Variants in XKR4 observed in about 807,000 individuals in gnomAD.
XKR4 encodes the protein XK-related protein 4.
A neutral mutation model predicts 53.9 loss-of-function variants in XKR4; 12 were observed. The observed-to-expected ratio is 0.22, with a 90% confidence interval of 0.14 to 0.36. The LOEUF (loss-of-function observed/expected upper bound fraction) is 0.36, where lower values mean the gene tolerates loss of function less well. Among genes scored for constraint, XKR4 ranks in the 10% least tolerant of loss-of-function variants. The probability of loss-of-function intolerance (pLI) is 1.00; values close to 1 mark genes in which losing one functional copy is unlikely to be tolerated. For missense variants in XKR4, 799 were observed against 859.5 expected, an observed-to-expected ratio of 0.93 and a Z score of 0.88; for synonymous variants, 354 against 362.4, an observed-to-expected ratio of 0.98 and a Z score of 0.26.
Position 55,528,310 on chromosome 8 carries a change from T to A in XKR4, c.*4083T>A, listed in dbSNP as rs539336087. The A allele has an allele frequency of 6.6e-6, 1 of 152,358 alleles. No homozygotes were observed. The highest frequency in any genetic ancestry group is 2.1e-4 in the South Asian group (1 of 4,830). The allele number at this position is 152,358 out of a possible 1,614,324, so 9.4% of individuals were successfully genotyped here. A position where few individuals can be genotyped will look rare whatever the true frequency, so the allele number is the denominator to read the frequency against. ...AACAGCTGAATAAAATAGTTCTGTG[T>A]CACTTCAAAGTTTCTTTCTCTGAAC... On this transcript the variant is annotated 3_prime_UTR_variant, in exon 3 of 3. Coordinates refer to ENST00000327381, the MANE Select transcript of XKR4 (RefSeq NM_052898.2).
chr8:55,368,958 A>G (rs1192101434), intron 2 of XKR4, among the ~76,000 whole-genome samples: 2 of 152,204 alleles, frequency 1.3e-5, no homozygotes, highest in African/African-American at 2.4e-5. Flanking sequence ...CATATTTGGA[A>G]TTTTTAAAAT....
intron 2 of XKR4, among the ~76,000 whole-genome samples, chr8:55,399,734 GA>G (rs1804571816): frequency 6.6e-6 from 1 of 152,206 alleles, no homozygotes; most frequent in East Asian, 1.9e-4. Context: ...GGAACAGACC[GA>G]AGGCTTTGTC....
At chr8:55,345,365 A>T (rs1803621007) in intron 1 of XKR4, among the ~76,000 whole-genome samples, 1 of 152,198 alleles carries the variant, frequency 6.6e-6, no homozygotes, top group Admixed American at 6.5e-5. Context: ...GAAATACAAG[A>T]TGCTGAATAA....
chr8:55,302,152 C>T (rs1427467737), intron 1 of XKR4, among the ~76,000 whole-genome samples: 1 of 152,002 alleles, frequency 6.6e-6, no homozygotes, highest in Non-Finnish European at 1.5e-5. Context: ...GTCTTTAATC[C>T]ATCTTGAATT....
intron 2 of XKR4, among the ~76,000 whole-genome samples, chr8:55,396,399 GTT>G (rs71256534): frequency 9.4e-4 from 83 of 88,738 alleles, no homozygotes; most frequent in East Asian, 1.4e-3. Flanking sequence ...TTTTTGTTTG[GTT>G]TTTTTTTTTT....
intron 2 of XKR4, chr8:55,449,862 G>A (rs1485906787): frequency 2.1e-6 from 2 of 975,598 alleles, no homozygotes; most frequent in Admixed American, 1.7e-5. Flanking sequence ...GTCTGGAACT[G>A]GCTGTAAGGG....
chr8:55,464,696 G>A (rs1805728111), intron 2 of XKR4, among the ~76,000 whole-genome samples: 1 of 152,104 alleles, frequency 6.6e-6, no homozygotes, highest in Non-Finnish European at 1.5e-5. Context: ...AAGTCAAATT[G>A]TCCCTGTTTG....
At chr8:55,156,032 T>C (rs1816902156) in intron 1 of XKR4, among the ~76,000 whole-genome samples, 1 of 152,054 alleles carries the variant, frequency 6.6e-6, no homozygotes, top group African/African-American at 2.4e-5. Context: ...TTCTGCCAAA[T>C]TAAGAATTTA....
chr8:55,357,641 AC>A (rs1224179293), intron 1 of XKR4, 36 bp from the exon 2 acceptor site: 1 of 1,604,998 alleles, frequency 6.2e-7, no homozygotes, highest in Non-Finnish European at 8.5e-7. Flanking sequence ...AACTATCATC[AC>A]TCATCTCTTT....
At chr8:55,299,200 G>C (rs1156298645) in intron 1 of XKR4, among the ~76,000 whole-genome samples, 1 of 152,190 alleles carries the variant, frequency 6.6e-6, no homozygotes, top group Non-Finnish European at 1.5e-5. Context: ...TCTCAAGATG[G>C]ATTTGTCTGG....
Position 55,102,819 on chromosome 8 carries a change from G to C in XKR4, c.331G>C (p.Asp111His). The C allele has an allele frequency of 6.2e-7, 1 of 1,608,870 alleles. No individual in the cohort carries two copies. The change falls in exon 1 of 3, where the codon GAC becomes CAC. Residue 111 changes from aspartate to histidine, a missense_variant. Asp to His is a moderately conservative substitution (Grantham distance 81). Around this residue, in one of 3 missense-constraint regions of XKR4, gnomAD observed 476 missense variants for 505.4 expected, o/e 0.94. Coordinates refer to ENST00000327381, the MANE Select transcript of XKR4 (RefSeq NM_052898.2). The surrounding 1 kb of genome is among the most constrained non-coding windows in gnomAD (Gnocchi z 5.1). ...GREQRRYSLW[D>H]CLWILAAVAV... The stretch of plus-strand genomic sequence containing the variant: ...GGAGCAGCGGCGCTACTCACTGTGG[G>C]ACTGCCTCTGGATCCTGGCCGCCGT...
chr8:55,490,598 C>A (rs1806257164), intron 2 of XKR4, among the ~76,000 whole-genome samples: 1 of 152,140 alleles, frequency 6.6e-6, no homozygotes, highest in South Asian at 2.1e-4. Flanking sequence ...TCACTTCTCA[C>A]CCCCAAAAAA....
At chr8:55,297,474 A>G (rs1027153709) in intron 1 of XKR4, among the ~76,000 whole-genome samples, 1 of 152,210 alleles carries the variant, frequency 6.6e-6, no homozygotes, top group African/African-American at 2.4e-5. Context: ...GAAAACCTAC[A>G]ACATATAATC....
chr8:55,213,823 G>A (rs1817761580), intron 1 of XKR4, among the ~76,000 whole-genome samples: 1 of 136,702 alleles, frequency 7.3e-6, no homozygotes, highest in Non-Finnish European at 1.6e-5. Context: ...GTCAATAACA[G>A]TTTACTATTA....
chr8:55,208,620 C>A (rs1464722289), intron 1 of XKR4, among the ~76,000 whole-genome samples: 2 of 152,072 alleles, frequency 1.3e-5, no homozygotes, highest in Non-Finnish European at 2.9e-5. Flanking sequence ...GCGCCCACCA[C>A]CACACCCAGC....
chr8:55,129,374 A>C (rs1392734830), intron 1 of XKR4, among the ~76,000 whole-genome samples: 1 of 152,168 alleles, frequency 6.6e-6, no homozygotes, highest in Admixed American at 6.5e-5. Flanking sequence ...GGGAGGTAAA[A>C]CTGCCTTGCA....
intron 1 of XKR4, among the ~76,000 whole-genome samples, chr8:55,206,078 G>A (rs1041328139): frequency 6.6e-6 from 1 of 152,220 alleles, no homozygotes; most frequent in South Asian, 2.1e-4. Flanking sequence ...CAGGAGTGAA[G>A]CTGCAGACCT....
chr8:55,113,623 A>G (rs1013342648), intron 1 of XKR4, among the ~76,000 whole-genome samples: 2 of 152,220 alleles, frequency 1.3e-5, no homozygotes, highest in Admixed American at 6.5e-5. Context: ...GTTGTTTTAC[A>G]TGGATACATT....
At chr8:55,400,815 A>G (rs1441861790) in intron 2 of XKR4, among the ~76,000 whole-genome samples, 5 of 152,160 alleles carry the variant, frequency 3.3e-5, no homozygotes, top group Admixed American at 1.3e-4. Flanking sequence ...TCCACGTTGT[A>G]TTCATAAGAT....
Sources: allele counts gnomAD v4.1 joint callset (sites outside exome capture counted in the v4.1 genomes callset), GRCh38; gene constraint gnomAD v4.1.1; regional missense constraint gnomAD v4.1.1; non-coding constraint Gnocchi (gnomAD v3.1); transcripts MANE v1.5; gene names NCBI Gene and HGNC (gene_info 2026-07-23, HGNC 2026-07-21).